Variants in RBPJ observed in about 807,000 individuals in gnomAD.
The protein encoded by RBPJ is recombining binding protein suppressor of hairless.
A neutral mutation model predicts 67.8 loss-of-function variants in RBPJ; 9 were observed. That is an observed-to-expected ratio of 0.13 (90% CI 0.08 to 0.23). The LOEUF (loss-of-function observed/expected upper bound fraction) is 0.23, where lower values mean the gene tolerates loss of function less well. Ranked by LOEUF, RBPJ falls within the 10% of genes least tolerant of loss-of-function variation. The probability of loss-of-function intolerance (pLI) is 1.00; values close to 1 mark genes in which losing one functional copy is unlikely to be tolerated. For missense variants in RBPJ, 305 were observed against 595.6 expected, an observed-to-expected ratio of 0.51 and a Z score of 5.08; for synonymous variants, 198 against 203.3, an observed-to-expected ratio of 0.97 and a Z score of 0.22.
intron 1 of RBPJ, among the ~76,000 whole-genome samples, chr4:26,345,615 G>T (rs1726050589): frequency 6.6e-6 from 1 of 152,192 alleles, no homozygotes; most frequent in Admixed American, 6.5e-5. Context: ...CATCCCTGGG[G>T]AGAGTAGTCT....
At position 26,264,618 on chromosome 4, in the gene RBPJ, G is replaced by A. The variant is rs754892875; in HGVS notation, c.-166-97828G>A. ...TAGGCACATACACTCACACACACTT[G>A]CTGTCTTCCTCTCTTCCCCATCTAG... On this transcript the variant is annotated intron_variant, in intron 1 of 4. Transcript: ENST00000512351. This position sits in a 1 kb window ranked among gnomAD's most constrained non-coding sequence, Gnocchi z 4.1. Among the ~76,000 whole-genome samples the A allele has an allele frequency of 6.6e-6, 1 of 152,046 alleles. No individual in the cohort carries two copies. Among genetic ancestry groups the A allele is most frequent in the Admixed American group, 6.6e-5 (1 of 15,258 alleles).
intron 3 of RBPJ, among the ~76,000 whole-genome samples, chr4:26,408,619 C>T (rs1371919021): frequency 6.6e-6 from 1 of 152,052 alleles, no homozygotes; most frequent in Non-Finnish European, 1.5e-5. Context: ...GACATGATTC[C>T]CAAAGTGCTT....
chr4:26,379,445 G>A (rs1730095561), intron 1 of RBPJ, among the ~76,000 whole-genome samples: 1 of 152,150 alleles, frequency 6.6e-6, no homozygotes, highest in African/African-American at 2.4e-5. Flanking sequence ...GTTCTGCATG[G>A]CTGGGGAGGC....
intron 1 of RBPJ, among the ~76,000 whole-genome samples, chr4:26,184,964 A>T (rs1008355825): frequency 8.5e-5 from 13 of 152,094 alleles, no homozygotes; most frequent in African/African-American, 3.1e-4. Flanking sequence ...CAACATGGCA[A>T]AGCCCCGTCT....
At chr4:26,110,915 G>A in the RBPJ span, among the ~76,000 whole-genome samples, 1 of 152,172 alleles carries the variant, frequency 6.6e-6, no homozygotes, top group African/African-American at 2.4e-5. The surrounding 1 kb of genome is among the most constrained non-coding windows in gnomAD (Gnocchi z 4.5). Flanking sequence ...AGCAGACTAG[G>A]AACTTATTCC....
At chr4:26,278,897 G>C (rs1439463126) in intron 1 of RBPJ, among the ~76,000 whole-genome samples, 2 of 152,164 alleles carry the variant, frequency 1.3e-5, no homozygotes, top group Non-Finnish European at 1.5e-5. Context: ...TTTGGCTATG[G>C]GATGGATATA....
intron 1 of RBPJ, among the ~76,000 whole-genome samples, chr4:26,372,464 T>C (rs1219011668): frequency 1.3e-5 from 2 of 152,220 alleles, no homozygotes; most frequent in Non-Finnish European, 2.9e-5. Flanking sequence ...ACTAGACAGT[T>C]AACTAGTAAA....
At chr4:26,186,643 A>G (rs1717274516) in intron 1 of RBPJ, among the ~76,000 whole-genome samples, 1 of 152,178 alleles carries the variant, frequency 6.6e-6, no homozygotes, top group African/African-American at 2.4e-5. Context: ...ATTTGCTTTC[A>G]CAGACCTGCT....
chr4:26,273,474 G>C (rs1202881606), intron 1 of RBPJ, among the ~76,000 whole-genome samples: 1 of 152,210 alleles, frequency 6.6e-6, no homozygotes, highest in African/African-American at 2.4e-5. Context: ...TCCCGGCCTT[G>C]GCAGGCAGCT....
rs1735484231 is a variant in RBPJ at position 26,424,897 on chromosome 4, G to T, written c.747+154G>T. The T allele has an allele frequency of 1.9e-6, 1 of 534,046 alleles. No homozygotes were observed. The highest frequency in any genetic ancestry group is 3.3e-6 in the Non-Finnish European group (1 of 302,664). 33.1% of individuals were successfully genotyped at this position (534,046 alleles called of 1,614,324 possible). ...TAATCAGTGCTGTTTATAATTGACAGTTATGCTCTACCTTATTTCAGAAAT... is the reference window on the plus strand; with the variant it reads ...TAATCAGTGCTGTTTATAATTGACATTTATGCTCTACCTTATTTCAGAAAT... On this transcript the variant is annotated intron_variant, in intron 7 of 10. Coordinates refer to ENST00000355476, the MANE Select transcript of RBPJ (RefSeq NM_015874.6). The surrounding 1 kb of genome is among the most constrained non-coding windows in gnomAD (Gnocchi z 5.3).
chr4:26,139,668 G>A, the RBPJ span, among the ~76,000 whole-genome samples: 2 of 152,136 alleles, frequency 1.3e-5, no homozygotes, highest in Non-Finnish European at 2.9e-5. Flanking sequence ...AATGGAGCCT[G>A]GCATTGCACA....
At chr4:26,320,319 G>A (rs1156519695), upstream of RBPJ, among the ~76,000 whole-genome samples, 1 of 152,188 alleles carries the variant, frequency 6.6e-6, no homozygotes, top group Non-Finnish European at 1.5e-5. Flanking sequence ...CAAGGAGAAC[G>A]CTAAGGCGAG....
intron 1 of RBPJ, among the ~76,000 whole-genome samples, chr4:26,193,252 A>G (rs1717632669): frequency 6.6e-6 from 1 of 152,246 alleles, no homozygotes; most frequent in Admixed American, 6.5e-5. Flanking sequence ...AAAGGCATGT[A>G]TCAGTGGAGG....
At chr4:26,129,523 A>G in the RBPJ span, among the ~76,000 whole-genome samples, 1,156 of 152,368 alleles carry the variant, frequency 7.6e-3, 5 homozygotes, top group Non-Finnish European at 0.014. Context: ...CATGCCAAAT[A>G]ACCTTAACTA....
the RBPJ span, among the ~76,000 whole-genome samples, chr4:26,154,193 A>T: frequency 6.6e-6 from 1 of 152,198 alleles, no homozygotes; most frequent in Non-Finnish European, 1.5e-5. Flanking sequence ...AACAGAAAGA[A>T]CAAAAAGTTT....
At chr4:26,310,832 G>A (rs2109306819) in intron 1 of RBPJ, among the ~76,000 whole-genome samples, 1 of 152,000 alleles carries the variant, frequency 6.6e-6, no homozygotes, top group Non-Finnish European at 1.5e-5. Context: ...AACGCACCCG[G>A]CTAATTTTTA....
chr4:26,221,203 G>A (rs1718894212), intron 1 of RBPJ, among the ~76,000 whole-genome samples: 2 of 152,170 alleles, frequency 1.3e-5, no homozygotes, highest in Admixed American at 6.5e-5. Flanking sequence ...CCATTCTCCT[G>A]CCTCAGCCTC....
the RBPJ span, among the ~76,000 whole-genome samples, chr4:26,120,129 G>A: frequency 2.6e-5 from 4 of 152,196 alleles, no homozygotes; most frequent in African/African-American, 9.6e-5. Context: ...CCAAGAGGTC[G>A]AGCAGAAAGT....
At chr4:26,270,394 A>G (rs866224220) in intron 1 of RBPJ, among the ~76,000 whole-genome samples, 4 of 77,012 alleles carry the variant, frequency 5.2e-5, no homozygotes, top group Admixed American at 1.5e-4. Context: ...AGAAAGAAAG[A>G]AAGAAAGAAA....
Sources: gnomAD v4.1 joint callset for allele counts (sites outside exome capture counted in the v4.1 genomes callset) on GRCh38, gnomAD v4.1.1 for gene constraint, Gnocchi (gnomAD v3.1) non-coding constraint, MANE v1.5 for transcripts, NCBI Gene and HGNC (gene_info 2026-07-23, HGNC 2026-07-21) for gene names.